BNC2: variants seen among roughly 807,000 people sequenced by gnomAD.
BNC2 encodes the protein zinc finger protein basonuclin-2.
Under a neutral mutation model 76.3 loss-of-function variants are expected in BNC2, and 20 were observed. That is an observed-to-expected ratio of 0.26 (90% CI 0.18 to 0.38). BNC2 has a LOEUF of 0.38. Ranked by LOEUF, BNC2 falls within the 10% of genes least tolerant of loss-of-function variation. The pLI is 1.00. For synonymous variants in BNC2, 582 were observed against 514.8 expected (o/e 1.13, Z -1.77); for missense variants, 1,382 against 1,399.8 (o/e 0.99, Z 0.20).
intron 1 of BNC2, among the ~76,000 whole-genome samples, chr9:16,857,862 G>C (rs986464605): frequency 6.6e-6 from 1 of 152,182 alleles, no homozygotes; most frequent in South Asian, 2.1e-4. Flanking sequence ...AACTGTAAGG[G>C]AATGAATATT....
chr9:16,568,265 T>G (rs1345616814), intron 4 of BNC2, among the ~76,000 whole-genome samples: 2 of 152,172 alleles, frequency 1.3e-5, no homozygotes, highest in African/African-American at 4.8e-5. Flanking sequence ...CCACGATTAC[T>G]TTAAGAGTTC....
At chr9:16,780,691 A>C (rs1039432479) in intron 1 of BNC2, among the ~76,000 whole-genome samples, 15 of 152,208 alleles carry the variant, frequency 9.9e-5, no homozygotes, top group Non-Finnish European at 1.5e-4. Flanking sequence ...ACTGGACAGT[A>C]AGGCAAACAC....
intron 1 of BNC2, among the ~76,000 whole-genome samples, chr9:16,864,507 T>C (rs1024838043): frequency 6.6e-6 from 1 of 152,168 alleles, no homozygotes; most frequent in Non-Finnish European, 1.5e-5. Context: ...CACAGGCAAA[T>C]CTTGGCAACC....
At chr9:16,748,231 AGTCTGGGTGT>A (rs1825067070) in intron 1 of BNC2, among the ~76,000 whole-genome samples, 1 of 152,222 alleles carries the variant, frequency 6.6e-6, no homozygotes, top group Admixed American at 6.5e-5. Context: ...CTGGCAAATA[AGTCTGGGTGT>A]GATGGCTCAC....
intron 2 of BNC2, among the ~76,000 whole-genome samples, chr9:16,730,472 C>A (rs1563918287): frequency 6.6e-6 from 1 of 152,172 alleles, no homozygotes; most frequent in East Asian, 1.9e-4. Context: ...CTGCACAGCT[C>A]CGTAACTAAA....
At chr9:16,452,473 A>T (rs1821362163) in intron 5 of BNC2, among the ~76,000 whole-genome samples, 1 of 152,154 alleles carries the variant, frequency 6.6e-6, no homozygotes, top group South Asian at 2.1e-4. Context: ...CCCAGGCTGG[A>T]ATGCAGTGGC....
At chr9:16,570,156 G>A (rs770289935) in intron 4 of BNC2, among the ~76,000 whole-genome samples, 1 of 152,032 alleles carries the variant, frequency 6.6e-6, no homozygotes. Context: ...AAGTGCAAAG[G>A]CAAGGCATAT....
chr9:16,716,894 T>C (rs1023992913), intron 3 of BNC2, among the ~76,000 whole-genome samples: 1 of 152,206 alleles, frequency 6.6e-6, no homozygotes, highest in African/African-American at 2.4e-5. Flanking sequence ...AATCGGACTT[T>C]AATCCCCAAA....
intron 4 of BNC2, among the ~76,000 whole-genome samples, chr9:16,555,487 T>G (rs1818800635): frequency 6.6e-6 from 1 of 152,168 alleles, no homozygotes; most frequent in Non-Finnish European, 1.5e-5. Context: ...TCTTCATAAG[T>G]GTACCATATG....
rs750568088 is a variant in BNC2 at position 16,738,535 on chromosome 9, TA to T, written c.4-51del. The T allele has an allele frequency of 1.6e-5, 26 of 1,587,542 alleles. No homozygotes were observed. In the East Asian group the frequency reaches 3.6e-4, roughly 22 times the overall value. On this transcript the variant is annotated intron_variant, in intron 1 of 6. Transcript: ENST00000380672. The stretch of plus-strand genomic sequence containing the variant: ...TTACATATGCCCAGACAGTATTACT[TA>T]AAAGCATTGAGTACATCAAAACTTT...
chr9:16,438,043 T>G (rs1248623188), intron 5 of BNC2, among the ~76,000 whole-genome samples: 1 of 152,180 alleles, frequency 6.6e-6, no homozygotes, highest in East Asian at 1.9e-4. Context: ...AGGAGTTATG[T>G]GAATTTCTGA....
At chr9:16,606,828 G>C (rs545198433) in intron 3 of BNC2, among the ~76,000 whole-genome samples, 2 of 152,322 alleles carry the variant, frequency 1.3e-5, no homozygotes, top group South Asian at 4.1e-4. Flanking sequence ...AACGTGCTGG[G>C]ATTAGAGGTG....
chr9:16,832,587 T>C (rs1185207118), intron 1 of BNC2, among the ~76,000 whole-genome samples: 1 of 152,048 alleles, frequency 6.6e-6, no homozygotes, highest in African/African-American at 2.4e-5. Flanking sequence ...CTCTCAAGGG[T>C]CTGTGAAATC....
At chr9:16,614,564 G>C (rs1587236904) in intron 3 of BNC2, among the ~76,000 whole-genome samples, 1 of 151,978 alleles carries the variant, frequency 6.6e-6, no homozygotes, top group African/African-American at 2.4e-5. Context: ...AGCAAGGTTA[G>C]AGTTTCCAGG....
chr9:16,621,241 C>A (rs1223458665), intron 3 of BNC2, among the ~76,000 whole-genome samples: 1 of 152,090 alleles, frequency 6.6e-6, no homozygotes, highest in African/African-American at 2.4e-5. Flanking sequence ...ATTGTGAATT[C>A]CTTACACAGA....
intron 5 of BNC2, among the ~76,000 whole-genome samples, chr9:16,476,561 T>TG (rs1491338496): frequency 8.0e-6 from 1 of 125,144 alleles, no homozygotes; most frequent in Non-Finnish European, 1.7e-5. Flanking sequence ...GTGTGTGTTG[T>TG]TTTTTTTAAA....
intron 5 of BNC2, among the ~76,000 whole-genome samples, chr9:16,473,766 G>C (rs1238692505): frequency 1.3e-5 from 2 of 152,140 alleles, no homozygotes; most frequent in East Asian, 1.9e-4. Context: ...CCAGCTACTT[G>C]GGAGGCTGAG....
chr9:16,444,899 T>C (rs1821199955), intron 5 of BNC2, among the ~76,000 whole-genome samples: 1 of 152,204 alleles, frequency 6.6e-6, no homozygotes, highest in Middle Eastern at 3.2e-3. Context: ...GTCAAAAAGT[T>C]TAACTGATCT....
In BNC2 at chr9:16,414,740, G is replaced by A. The variant is rs1820547781; in HGVS notation, c.*4249C>T. 6.6e-6 allele frequency: 1 copy of A among 152,196 alleles called. No individual in the cohort carries two copies. Among genetic ancestry groups the A allele is most frequent in the African/African-American group, 2.4e-5 (1 of 41,426 alleles). The allele number at this position is 152,196 out of a possible 1,614,324, so 9.4% of individuals were successfully genotyped here. ...TTAGCAGCATGTCCATCTCAATCTG[G>A]TGACTAGCTTCTTTATGCTTTAATT... On this transcript the variant is annotated 3_prime_UTR_variant, in exon 7 of 7. Transcript: ENST00000380672.
Sources: allele counts gnomAD v4.1 joint callset (sites outside exome capture counted in the v4.1 genomes callset), GRCh38; gene constraint gnomAD v4.1.1; transcripts MANE v1.5; gene names NCBI Gene and HGNC (gene_info 2026-07-23, HGNC 2026-07-21).